F8: variants seen among roughly 807,000 people sequenced by gnomAD.
F8 encodes the protein coagulation factor VIII.
Under a neutral mutation model 140.6 loss-of-function variants are expected in F8, and 12 were observed. The observed-to-expected ratio is 0.09, with a 90% confidence interval of 0.05 to 0.14. F8 has a LOEUF of 0.14. Among genes scored for constraint, F8 ranks in the 10% least tolerant of loss-of-function variants. F8 has a pLI of 1.00. For missense variants in F8, 1,354 were observed against 1,720.7 expected, an observed-to-expected ratio of 0.79 and a Z score of 3.77; for synonymous variants, 585 against 614.6, an observed-to-expected ratio of 0.95 and a Z score of 0.71.
chrX:154,965,443 T>G (rs1557281902), intron 9 of F8, among the ~76,000 whole-genome samples: 3 of 111,788 alleles, frequency 2.7e-5, no homozygotes, highest in Admixed American at 9.5e-5. Context: ...ATACTCATTC[T>G]TAATATCCTA....
At chrX:155,004,291 A>G (rs1340146952) in intron 1 of F8, among the ~76,000 whole-genome samples, 1 of 112,456 alleles carries the variant, frequency 8.9e-6, no homozygotes, top group African/African-American at 3.2e-5. Flanking sequence ...AATAAAAATT[A>G]AGGAATTTAT....
intron 22 of F8, among the ~76,000 whole-genome samples, chrX:154,868,423 C>T (rs1477752862): frequency 8.9e-6 from 1 of 111,806 alleles, no homozygotes; most frequent in Non-Finnish European, 1.9e-5. Context: ...CCATGCAGAA[C>T]TGTGAGTCAA....
At chrX:154,934,058 CA>C (rs1369104104) in intron 13 of F8, among the ~76,000 whole-genome samples, 1 of 111,382 alleles carries the variant, frequency 9.0e-6, no homozygotes, top group Non-Finnish European at 1.9e-5. Flanking sequence ...AAAAGATGAC[CA>C]GTTTTTAAGG....
intron 12 of F8, among the ~76,000 whole-genome samples, chrX:154,952,990 T>G (rs1325107684): frequency 8.9e-6 from 1 of 112,312 alleles, no homozygotes; most frequent in African/African-American, 3.2e-5. Context: ...ATGAGAACAC[T>G]CTTTTATCCA....
In F8 at chrX:154,960,234, A is replaced by C. The variant is rs147140072; in HGVS notation, c.1537+841T>G. Among the ~76,000 whole-genome samples the C allele has an allele frequency of 6.2e-3, 699 of 112,006 alleles. 6 individuals carry two copies. Among genetic ancestry groups the C allele is most frequent in the African/African-American group, 0.021 (662 of 30,851 alleles). The stretch of plus-strand genomic sequence containing the variant: ...TTGAATGGAAAAAAGCACAAAACAA[A>C]GTAAGTATATAATGTCTAAAGTTGA... On this transcript the variant is annotated intron_variant, in intron 10 of 25. Coordinates refer to ENST00000360256, the MANE Select transcript of F8 (RefSeq NM_000132.4).
Position 155,014,520 on chromosome X carries a change from T to C in F8, c.143+7890A>G, listed in dbSNP as rs782206197. ...TATTTGCAGACAACATTATTGTATATGTAGAAATTCTAAAAGAAGTGCAAA... is the reference window on the plus strand; with the variant it reads ...TATTTGCAGACAACATTATTGTATACGTAGAAATTCTAAAAGAAGTGCAAA... On this transcript the variant is annotated intron_variant, in intron 1 of 25. Coordinates refer to ENST00000360256, the MANE Select transcript of F8 (RefSeq NM_000132.4). Among the ~76,000 whole-genome samples, 6 of 112,179 alleles carry C rather than the reference T, an allele frequency of 5.3e-5. No individual in the cohort carries two copies. The East Asian group carries it at 1.7e-3, about 31-fold the overall frequency.
intron 25 of F8, among the ~76,000 whole-genome samples, chrX:154,838,684 C>T (rs1035490769): frequency 8.9e-6 from 1 of 111,840 alleles, no homozygotes; most frequent in East Asian, 2.8e-4. Context: ...ACATTTTCCT[C>T]TAACAATCCT....
Position 154,904,419 on chromosome X carries a change from A to G in F8, c.5692T>C (p.Phe1898Leu). The G allele has an allele frequency of 8.3e-7, 1 of 1,211,605 alleles. No homozygotes were observed. The highest frequency in any genetic ancestry group is 1.1e-6 in the Non-Finnish European group (1 of 895,279). ...RQVTVQEFAL[F>L]FTIFDETKSW... ...TTGGTCTCATCAAAGATGGTGAAAA[A>G]CAGAGCAAATTCCTGTACTGTCACT... Residue 1898 changes from phenylalanine (F) to leucine (L), a missense_variant, in exon 17 of 26, where the codon TTT becomes CTT. Physicochemically the swap from Phe to Leu is conservative, Grantham distance 22. Coordinates refer to ENST00000360256, the MANE Select transcript of F8 (RefSeq NM_000132.4).
chrX:154,957,568 C>A (rs1267805035), intron 10 of F8, among the ~76,000 whole-genome samples: 1 of 111,343 alleles, frequency 9.0e-6, no homozygotes, highest in East Asian at 2.8e-4. Flanking sequence ...AAGATACAAT[C>A]TAAATCAAAA....
chrX:154,995,010 T>C (rs948631054), intron 3 of F8, among the ~76,000 whole-genome samples: 6 of 111,810 alleles, frequency 5.4e-5, no homozygotes, highest in Non-Finnish European at 5.6e-5. Flanking sequence ...ACTTTGACAA[T>C]GAGAGCCTTT....
At chrX:154,977,671 T>G (rs2073494929) in intron 6 of F8, among the ~76,000 whole-genome samples, 1 of 109,667 alleles carries the variant, frequency 9.1e-6, no homozygotes, top group Non-Finnish European at 1.9e-5. Flanking sequence ...CTATATGCTT[T>G]TCTCTTGCTA....
chrX:154,868,630 T>C (rs914702753), intron 22 of F8, among the ~76,000 whole-genome samples: 10 of 111,869 alleles, frequency 8.9e-5, no homozygotes, highest in African/African-American at 2.9e-4. Flanking sequence ...ATGAAGAAAC[T>C]GCATTAACTA....
intron 23 of F8, among the ~76,000 whole-genome samples, chrX:154,862,739 G>A (rs1392328246): frequency 8.9e-6 from 1 of 112,167 alleles, no homozygotes; most frequent in Non-Finnish European, 1.9e-5. Flanking sequence ...TGGCTGCATA[G>A]TATTCCATGG....
intron 9 of F8, among the ~76,000 whole-genome samples, chrX:154,961,944 C>T (rs782360069): frequency 1.3e-4 from 14 of 111,325 alleles, no homozygotes. Flanking sequence ...TGGCTCTGGC[C>T]AGTTTACAGA....
intron 1 of F8, among the ~76,000 whole-genome samples, chrX:155,015,590 C>T (rs1373742489): frequency 8.9e-6 from 1 of 111,985 alleles, no homozygotes; most frequent in African/African-American, 3.3e-5. Flanking sequence ...CATATGTTCT[C>T]ACTTAGAAGT....
At chrX:154,905,217 A>G (rs1446448582) in intron 15 of F8, among the ~76,000 whole-genome samples, 194 bp from the exon 16 acceptor site, 1 of 111,346 alleles carries the variant, frequency 9.0e-6, no homozygotes, top group African/African-American at 3.3e-5. Flanking sequence ...TTTGTATTCT[A>G]AATTTAAGGT....
At chrX:155,010,378 G>A (rs2073700911) in intron 1 of F8, among the ~76,000 whole-genome samples, 1 of 111,440 alleles carries the variant, frequency 9.0e-6, no homozygotes, top group African/African-American at 3.3e-5. Context: ...CCTGACCTGT[G>A]GTTAGAAGAA....
intron 4 of F8, among the ~76,000 whole-genome samples, chrX:154,990,594 G>A (rs782291817): frequency 1.2e-4 from 14 of 112,049 alleles, no homozygotes; most frequent in African/African-American, 4.2e-4. Context: ...TTCTGTGGGC[G>A]TTAGTTTCAG....
chrX:154,974,253 A>G (rs1443364179), intron 6 of F8, among the ~76,000 whole-genome samples: 1 of 111,818 alleles, frequency 8.9e-6, no homozygotes, highest in Non-Finnish European at 1.9e-5. Flanking sequence ...TTAAAGGAAA[A>G]GCTTTCAACT....
Sources: gnomAD v4.1 joint callset for allele counts (sites outside exome capture counted in the v4.1 genomes callset) on GRCh38, gnomAD v4.1.1 for gene constraint, MANE v1.5 for transcripts, NCBI Gene and HGNC (gene_info 2026-07-23, HGNC 2026-07-21) for gene names.